PDE1A: variants seen among roughly 807,000 people sequenced by gnomAD.
The protein encoded by PDE1A is phosphodiesterase 1A.
PDE1A carries 35 observed loss-of-function variants against 61.7 expected under a neutral mutation model. The observed-to-expected ratio is 0.57, with a 90% CI of 0.43 to 0.75. The LOEUF is 0.75. Among genes scored for constraint, PDE1A ranks in the 30% least tolerant of loss-of-function variants. PDE1A has a pLI of 0.00. For synonymous variants in PDE1A, 232 were observed against 213.2 expected, an observed-to-expected ratio of 1.09 and a Z score of -0.77; for missense variants, 597 against 630.6, an observed-to-expected ratio of 0.95 and a Z score of 0.57.
chr2:182,310,207 T>C (rs1001065640), intron 1 of PDE1A, among the ~76,000 whole-genome samples: 1 of 152,192 alleles, frequency 6.6e-6, no homozygotes, highest in African/African-American at 2.4e-5. Context: ...ATGGTACCAT[T>C]ATATGCTTAG....
At chr2:182,532,919 C>G in the PDE1A span, among the ~76,000 whole-genome samples, 1 of 110,336 alleles carries the variant, frequency 9.1e-6, no homozygotes, top group African/African-American at 3.5e-5. Context: ...GCACTCCAGC[C>G]TGGGGGACAC....
At chr2:182,708,243 A>T in the PDE1A span, among the ~76,000 whole-genome samples, 3 of 152,152 alleles carry the variant, frequency 2.0e-5, no homozygotes, top group Non-Finnish European at 4.4e-5. Context: ...TGATTCAATT[A>T]TCTCCCACCG....
intron 7 of PDE1A, among the ~76,000 whole-genome samples, chr2:182,222,477 CATT>C (rs987112023): frequency 6.6e-6 from 1 of 151,914 alleles, no homozygotes; most frequent in Non-Finnish European, 1.5e-5. Context: ...AGATACATGA[CATT>C]ATACATTTGT....
At chr2:182,264,929 A>G (rs1692522910) in intron 1 of PDE1A, among the ~76,000 whole-genome samples, 1 of 146,462 alleles carries the variant, frequency 6.8e-6, no homozygotes, top group Admixed American at 7.0e-5. Context: ...CTCAGCCATA[A>G]AAAGGAATAA....
chr2:182,294,804 TA>T (rs1258301602), intron 1 of PDE1A, among the ~76,000 whole-genome samples: 1 of 151,338 alleles, frequency 6.6e-6, no homozygotes, highest in African/African-American at 2.4e-5. Context: ...TAGTGGCAGG[TA>T]AAGACGAAAG....
chr2:182,548,741 A>G, the PDE1A span, among the ~76,000 whole-genome samples: 3 of 152,142 alleles, frequency 2.0e-5, no homozygotes, highest in South Asian at 2.1e-4. Context: ...CAACACTAGT[A>G]TATTTTCCCC....
intron 2 of PDE1A, among the ~76,000 whole-genome samples, chr2:182,442,779 T>C (rs910788189): frequency 2.0e-5 from 3 of 152,104 alleles, no homozygotes; most frequent in Non-Finnish European, 2.9e-5. Context: ...ATAGAAATTA[T>C]AGATTTTAAA....
the PDE1A span, among the ~76,000 whole-genome samples, chr2:182,550,729 G>A: frequency 6.6e-6 from 1 of 152,148 alleles, no homozygotes; most frequent in African/African-American, 2.4e-5. Context: ...AGATCAATGA[G>A]TGTGTTTGGT....
the PDE1A span, among the ~76,000 whole-genome samples, chr2:182,538,356 AAAGT>A: frequency 6.6e-6 from 1 of 152,188 alleles, no homozygotes; most frequent in Non-Finnish European, 1.5e-5. Context: ...TGTTTGAAAT[AAAGT>A]AAGTGCTCTA....
chr2:182,466,663 T>C (rs1686690414), intron 2 of PDE1A, among the ~76,000 whole-genome samples: 1 of 152,008 alleles, frequency 6.6e-6, no homozygotes. Context: ...TACACTGGTC[T>C]ATAAACAGTA....
At chr2:182,334,221 C>T (rs943921190) in intron 1 of PDE1A, among the ~76,000 whole-genome samples, 9 of 151,930 alleles carry the variant, frequency 5.9e-5, no homozygotes, top group Admixed American at 3.3e-4. Context: ...TTCTCCCTAA[C>T]TCATTTTATG....
chr2:182,600,294 A>C, the PDE1A span, among the ~76,000 whole-genome samples: 2 of 152,230 alleles, frequency 1.3e-5, no homozygotes, highest in Non-Finnish European at 2.9e-5. Context: ...CTTGCTACAC[A>C]ATTTTCAACA....
chr2:182,427,130 G>T, upstream of PDE1A: 1 of 360,700 alleles, frequency 2.8e-6, no homozygotes, highest in Non-Finnish European at 3.9e-6. Flanking sequence ...GCAGCCCCAT[G>T]TGAGTACCCT....
In PDE1A at chr2:182,234,443, C is replaced by T. The variant is rs148461027; in HGVS notation, c.406G>A (p.Val136Ile). Residue 136 changes from valine to isoleucine, a missense_variant, in exon 4 of 14, where the codon GTA becomes ATA. Transcript: ENST00000351439. ...TGAAATTATGTCACCTTTAATGTTA[C>T]GATGACAGCTGCTGGATATGCCAAA... 236 of 1,603,146 alleles carry T rather than the reference C, an allele frequency of 1.5e-4. No individual in the cohort carries two copies. Among genetic ancestry groups the T allele is most frequent in the Middle Eastern group, 3.3e-4 (2 of 6,038 alleles).
At chr2:182,629,927 T>G in the PDE1A span, among the ~76,000 whole-genome samples, 2 of 152,280 alleles carry the variant, frequency 1.3e-5, no homozygotes, top group East Asian at 3.9e-4. Flanking sequence ...TCTTTTTAGG[T>G]TTGGCCAGTG....
At chr2:182,381,697 A>G (rs1156393036) in intron 1 of PDE1A, among the ~76,000 whole-genome samples, 1 of 152,000 alleles carries the variant, frequency 6.6e-6, no homozygotes, top group Admixed American at 6.5e-5. Flanking sequence ...CTATAATCTC[A>G]GCTACTCAGG....
intron 1 of PDE1A, among the ~76,000 whole-genome samples, chr2:182,313,004 T>C (rs1696092052): frequency 6.6e-6 from 1 of 152,208 alleles, no homozygotes; most frequent in African/African-American, 2.4e-5. Flanking sequence ...AATACATAGA[T>C]CTTGCATATC....
the PDE1A span, among the ~76,000 whole-genome samples, chr2:182,608,479 C>A: frequency 6.6e-6 from 1 of 152,202 alleles, no homozygotes; most frequent in African/African-American, 2.4e-5. Flanking sequence ...CAGGTGGGAA[C>A]CTGGGCTGCG....
At chr2:182,671,682 C>A in the PDE1A span, among the ~76,000 whole-genome samples, 1 of 144,100 alleles carries the variant, frequency 6.9e-6, no homozygotes, top group Admixed American at 7.1e-5. Context: ...TGCAGTGGAG[C>A]GATCTCAGCT....
Sources: gnomAD v4.1 joint callset for allele counts (sites outside exome capture counted in the v4.1 genomes callset) on GRCh38, gnomAD v4.1.1 for gene constraint, MANE v1.5 for transcripts, NCBI Gene and HGNC (gene_info 2026-07-23, HGNC 2026-07-21) for gene names.